NRG3: variants seen among roughly 807,000 people sequenced by gnomAD.
The protein encoded by NRG3 is neuregulin 3.
A neutral mutation model predicts 66.9 loss-of-function variants in NRG3; 31 were observed. The observed-to-expected ratio is 0.46, with a 90% CI of 0.35 to 0.63. The LOEUF (loss-of-function observed/expected upper bound fraction) is 0.63. Ranked by LOEUF, NRG3 falls within the 20% of genes least tolerant of loss-of-function variation. The pLI is 0.00. For missense variants in NRG3, 910 were observed against 878.9 expected (o/e 1.04, Z -0.45); for synonymous variants, 393 against 359.4 (o/e 1.09, Z -1.06).
intron 1 of NRG3, among the ~76,000 whole-genome samples, chr10:82,160,264 A>C (rs968140762): frequency 6.6e-6 from 1 of 151,998 alleles, no homozygotes; most frequent in Admixed American, 6.6e-5. Context: ...GTCCCCTAGC[A>C]ACACTCTTCT....
intron 3 of NRG3, among the ~76,000 whole-genome samples, chr10:82,781,532 C>T (rs750083752): frequency 2.0e-5 from 3 of 152,054 alleles, no homozygotes; most frequent in Non-Finnish European, 4.4e-5. Flanking sequence ...CACCAGAATC[C>T]ATCACTAGTC....
intron 1 of NRG3, among the ~76,000 whole-genome samples, chr10:81,972,052 G>C (rs1176593173): frequency 6.6e-6 from 1 of 152,088 alleles, no homozygotes; most frequent in Non-Finnish European, 1.5e-5. Context: ...CTGTCGACTG[G>C]AAATTTCATA....
intron 1 of NRG3, among the ~76,000 whole-genome samples, chr10:82,189,695 TAGG>T (rs2074020845): frequency 6.6e-6 from 1 of 151,926 alleles, no homozygotes; most frequent in South Asian, 2.1e-4. Flanking sequence ...GAGGCTTAGG[TAGG>T]AGAATCGCTT....
chr10:82,144,795 C>T (rs2070122458), intron 1 of NRG3, among the ~76,000 whole-genome samples: 1 of 152,146 alleles, frequency 6.6e-6, no homozygotes, highest in South Asian at 2.1e-4. Context: ...ACTTCTGTTT[C>T]CTCCTGTATA....
intron 3 of NRG3, among the ~76,000 whole-genome samples, chr10:82,808,565 G>T (rs2061374286): frequency 6.6e-6 from 1 of 151,850 alleles, no homozygotes. Context: ...AACTTTTTTA[G>T]ATAGCCTTAG....
chr10:82,308,880 G>A (rs546096359), intron 1 of NRG3, among the ~76,000 whole-genome samples: 1 of 152,254 alleles, frequency 6.6e-6, no homozygotes, highest in Admixed American at 6.5e-5. Context: ...CTGATATAGT[G>A]AAAGCAGCGT....
intron 1 of NRG3, among the ~76,000 whole-genome samples, chr10:82,330,728 C>G (rs1311825031): frequency 2.6e-5 from 4 of 152,162 alleles, no homozygotes; most frequent in African/African-American, 9.7e-5. Flanking sequence ...CACCTGGCTT[C>G]CTAAGTTGGT....
At chr10:82,500,139 A>G (rs142147765) in intron 2 of NRG3, among the ~76,000 whole-genome samples, 384 of 152,292 alleles carry the variant, frequency 2.5e-3, no homozygotes, top group African/African-American at 8.8e-3. Flanking sequence ...GGAGGAGGAT[A>G]GGGATGTAGT....
chr10:82,748,587 T>C (rs1273556577), intron 3 of NRG3, among the ~76,000 whole-genome samples: 1 of 149,610 alleles, frequency 6.7e-6, no homozygotes, highest in Non-Finnish European at 1.5e-5. Context: ...CACATTTATA[T>C]TGTATATATT....
At chr10:82,362,569 T>TTTTTTTTTTTTTA (rs375504379) in intron 2 of NRG3, among the ~76,000 whole-genome samples, 1 of 148,102 alleles carries the variant, frequency 6.8e-6, no homozygotes, top group African/African-American at 2.5e-5. Flanking sequence ...TTTTTTTTTT[T>TTTTTTTTTTTTTA]CGTAGAAATG....
intron 1 of NRG3, among the ~76,000 whole-genome samples, chr10:82,192,697 A>G (rs2074221928): frequency 6.6e-6 from 1 of 152,156 alleles, no homozygotes; most frequent in South Asian, 2.1e-4. Flanking sequence ...TTTATTGAGC[A>G]CTGATTATTT....
intron 3 of NRG3, among the ~76,000 whole-genome samples, chr10:82,804,871 C>T (rs1207539729): frequency 6.6e-6 from 1 of 152,198 alleles, no homozygotes; most frequent in East Asian, 1.9e-4. Flanking sequence ...TCCCTGACTA[C>T]AGAAGTTACC....
chr10:82,567,292 G>T (rs998563412), intron 2 of NRG3, among the ~76,000 whole-genome samples: 2 of 151,878 alleles, frequency 1.3e-5, no homozygotes, highest in Admixed American at 6.6e-5. Context: ...CTCATGACTG[G>T]ACTATAGGAC....
intron 3 of NRG3, among the ~76,000 whole-genome samples, chr10:82,769,994 A>G (rs1306978763): frequency 1.3e-5 from 2 of 152,072 alleles, no homozygotes; most frequent in Non-Finnish European, 2.9e-5. Flanking sequence ...AGCCAATCAT[A>G]ATGTTATTAA....
chr10:81,989,019 G>A (rs2060635108), intron 1 of NRG3, among the ~76,000 whole-genome samples: 1 of 152,102 alleles, frequency 6.6e-6, no homozygotes, highest in African/African-American at 2.4e-5. Context: ...GACTAGGGTG[G>A]TTAGAGCAGA....
intron 3 of NRG3, chr10:82,843,236 G>C (rs1398851816): frequency 2.2e-6 from 1 of 454,428 alleles, no homozygotes. Flanking sequence ...TTACGAAGTG[G>C]GACATTTAAG....
intron 1 of NRG3, among the ~76,000 whole-genome samples, chr10:82,280,216 G>C (rs1329606811): frequency 6.6e-6 from 1 of 152,172 alleles, no homozygotes; most frequent in Non-Finnish European, 1.5e-5. Flanking sequence ...TATATTTAAT[G>C]AAGGTGGAGC....
chr10:82,744,892 C>CTAT (rs1301619267), intron 3 of NRG3, among the ~76,000 whole-genome samples: 1 of 152,114 alleles, frequency 6.6e-6, no homozygotes, highest in Non-Finnish European at 1.5e-5. Context: ...TAAATATTAT[C>CTAT]TATTATCATC....
chr10:82,366,363 A>G (rs1464407785), intron 2 of NRG3, among the ~76,000 whole-genome samples: 1 of 152,212 alleles, frequency 6.6e-6, no homozygotes, highest in Non-Finnish European at 1.5e-5. Flanking sequence ...AATTAACAGG[A>G]GACTTCGGTT....
Sources: allele counts gnomAD v4.1 joint callset (sites outside exome capture counted in the v4.1 genomes callset), GRCh38; gene constraint gnomAD v4.1.1; transcripts MANE v1.5; gene names NCBI Gene and HGNC (gene_info 2026-07-23, HGNC 2026-07-21).